The following SCNN1B variants were observed in gnomAD, a reference collection of about 807,000 sequenced individuals.
SCNN1B encodes sodium channel epithelial 1 subunit beta.
SCNN1B carries 46 observed loss-of-function variants against 65.3 expected under a neutral mutation model. That is an observed-to-expected ratio of 0.70 (90% CI 0.56 to 0.90). SCNN1B has a LOEUF of 0.90. Among genes scored for constraint, SCNN1B ranks in the 40% least tolerant of loss-of-function variants. The pLI, the probability that SCNN1B is intolerant of heterozygous loss-of-function variation, is 0.00. For synonymous variants in SCNN1B, 349 were observed against 330.6 expected (o/e 1.06, Z -0.60); for missense variants, 751 against 830.5 (o/e 0.90, Z 1.18).
upstream of SCNN1B, among the ~76,000 whole-genome samples, chr16:23,300,628 G>A (rs919340263): frequency 5.3e-5 from 8 of 152,062 alleles, no homozygotes; most frequent in Admixed American, 1.3e-4. Context: ...TTGAGGCCAG[G>A]TATTTGAGAC....
At chr16:23,293,232 T>C (rs1270467971) in intron 2 of SCNN1B, among the ~76,000 whole-genome samples, 1 of 151,354 alleles carries the variant, frequency 6.6e-6, no homozygotes, top group Non-Finnish European at 1.5e-5. Flanking sequence ...AGGAGCATTA[T>C]TCACAGTCGC....
At chr16:23,355,573 G>C (rs1004045200) in intron 4 of SCNN1B, 84 bp downstream of exon 4, 54 of 1,416,452 alleles carry the variant, frequency 3.8e-5, no homozygotes, top group Middle Eastern at 4.2e-4. Flanking sequence ...AGCCTGCCAG[G>C]GTTCCAATCC....
intron 2 of SCNN1B, among the ~76,000 whole-genome samples, chr16:23,289,745 G>A (rs1174538474): frequency 6.9e-6 from 1 of 145,578 alleles, no homozygotes. Flanking sequence ...GCACGATCTC[G>A]GCTCACTGCA....
chr16:23,332,809 T>C (rs563400986), intron 1 of SCNN1B, among the ~76,000 whole-genome samples: 1 of 152,072 alleles, frequency 6.6e-6, no homozygotes, highest in South Asian at 2.1e-4. Context: ...CAGTGGCTCA[T>C]GCCCGTAATC....
chr16:23,325,052 C>T (rs1374165901), intron 1 of SCNN1B, among the ~76,000 whole-genome samples: 3 of 152,172 alleles, frequency 2.0e-5, no homozygotes, highest in African/African-American at 7.2e-5. Context: ...AGCAATAAGA[C>T]TCTGTCAACA....
At position 23,380,962 on chromosome 16, in the gene SCNN1B, A is replaced by G. The variant is rs527428976; in HGVS notation, c.*161A>G. On this transcript the variant is annotated 3_prime_UTR_variant, in exon 13 of 13. Transcript: ENST00000343070. The surrounding 1 kb of genome is among the most constrained non-coding windows in gnomAD (Gnocchi z 5.4). Reference sequence around the variant, plus strand: ...AGAGGCCAGCGGCAACTGGTCCGTTACTGGCCAAGGGCTCTGTAGAATCAC... The same window carrying G: ...AGAGGCCAGCGGCAACTGGTCCGTTGCTGGCCAAGGGCTCTGTAGAATCAC... 2.8e-5 allele frequency: 22 copies of G among 775,550 alleles called. No homozygotes were observed. In the South Asian group the frequency reaches 2.9e-4, roughly 10 times the overall value. 48.0% of individuals were successfully genotyped at this position (775,550 alleles called of 1,614,324 possible). A position where few individuals can be genotyped will look rare whatever the true frequency, so the allele number is the denominator to read the frequency against.
chr16:23,304,250 C>T (rs1961146455), intron 1 of SCNN1B: 5 of 639,714 alleles, frequency 7.8e-6, no homozygotes, highest in Non-Finnish European at 1.4e-5. Flanking sequence ...CCCATGAATG[C>T]ATGCACACAC....
At chr16:23,363,401 G>T (rs73544462) in intron 4 of SCNN1B, among the ~76,000 whole-genome samples, 1 of 152,190 alleles carries the variant, frequency 6.6e-6, no homozygotes. Flanking sequence ...AAGCAGGCTG[G>T]CTCTGTGGCC....
Position 23,313,832 on chromosome 16 carries a change from G to C in SCNN1B, c.-9+11395G>C, listed in dbSNP as rs187887475. On this transcript the variant is annotated intron_variant, in intron 1 of 12. Coordinates refer to ENST00000343070, the MANE Select transcript of SCNN1B (RefSeq NM_000336.3). ...TCTCCATGTTGGCCAGGATGGCCTTGATCTCTTGACCTCGTGATCTGCCCA... is the reference window on the plus strand; with the variant it reads ...TCTCCATGTTGGCCAGGATGGCCTTCATCTCTTGACCTCGTGATCTGCCCA... Among the ~76,000 whole-genome samples, 135 of 152,258 alleles carry C rather than the reference G, an allele frequency of 8.9e-4. 2 individuals carry two copies. Among genetic ancestry groups the C allele is most frequent in the African/African-American group, 3.1e-3 (129 of 41,562 alleles).
At chr16:23,314,468 G>A (rs575935560) in intron 1 of SCNN1B, among the ~76,000 whole-genome samples, 3 of 152,326 alleles carry the variant, frequency 2.0e-5, no homozygotes, top group African/African-American at 7.2e-5. Context: ...GGCTCAGAGA[G>A]CTTAAGTAAC....
chr16:23,293,416 A>C (rs566953877), intron 2 of SCNN1B, among the ~76,000 whole-genome samples: 15 of 152,328 alleles, frequency 9.8e-5, no homozygotes, highest in African/African-American at 3.6e-4. Flanking sequence ...GCCATATACA[A>C]AATAACAAAA....
At chr16:23,360,008 G>C (rs1962505341) in intron 4 of SCNN1B, among the ~76,000 whole-genome samples, 1 of 151,684 alleles carries the variant, frequency 6.6e-6, no homozygotes, top group Non-Finnish European at 1.5e-5. Context: ...TTTGAGACCA[G>C]CCTGGCAAAC....
chr16:23,379,997 C>T lies in SCNN1B; in HGVS notation c.1467-97C>T, dbSNP rs72654352. 6.6e-5 allele frequency: 60 copies of T among 908,998 alleles called. No individual in the cohort carries two copies. In the African/African-American group the frequency reaches 8.1e-4, roughly 12 times the overall value. 56.3% of individuals were successfully genotyped at this position (908,998 alleles called of 1,614,324 possible). ...GTGTGCATACATGTGGGTGTGTGCA[C>T]GTGCATGTGTGTGCATGTGTCTATG... On this transcript the variant is annotated intron_variant, in intron 11 of 12. Coordinates refer to ENST00000343070, the MANE Select transcript of SCNN1B (RefSeq NM_000336.3).
rs552412527 is a variant in SCNN1B, at chr16:23,312,736, C to T, written c.-9+10299C>T. Reference sequence around the variant, plus strand: ...GATGACAATCTGGTTGGTTACAAGTCGCCGGCTGTTGGAAGAGGAGCCTAG... The same window carrying T: ...GATGACAATCTGGTTGGTTACAAGTTGCCGGCTGTTGGAAGAGGAGCCTAG... On this transcript the variant is annotated intron_variant, in intron 1 of 12. Coordinates refer to ENST00000343070, the MANE Select transcript of SCNN1B (RefSeq NM_000336.3). Among the ~76,000 whole-genome samples, 8 of 152,210 alleles carry T rather than the reference C, an allele frequency of 5.3e-5. No homozygotes were observed. In the South Asian group the frequency reaches 1.7e-3, roughly 32 times the overall value.
chr16:23,284,751 C>CCTA (rs1960827948), intron 2 of SCNN1B, among the ~76,000 whole-genome samples: 1 of 152,162 alleles, frequency 6.6e-6, no homozygotes, highest in Non-Finnish European at 1.5e-5. Context: ...ATGGGGCAGC[C>CCTA]CTACTAAGTA....
At chr16:23,370,233 G>A (rs143519852) in intron 5 of SCNN1B, among the ~76,000 whole-genome samples, 3 of 152,272 alleles carry the variant, frequency 2.0e-5, no homozygotes, top group African/African-American at 7.2e-5. Flanking sequence ...AGCCTCCCGA[G>A]TAGTTGGGAT....
chr16:23,365,320 AAG>A (rs964927890), intron 4 of SCNN1B, among the ~76,000 whole-genome samples: 15 of 150,276 alleles, frequency 1.0e-4, no homozygotes, highest in African/African-American at 3.7e-4. Flanking sequence ...AAAAGAGAGA[AAG>A]AGAGAAAAAG....
chr16:23,343,637 AAGAAAGAAAG>A (rs1324263789), intron 1 of SCNN1B, among the ~76,000 whole-genome samples: 2 of 136,808 alleles, frequency 1.5e-5, no homozygotes, highest in Non-Finnish European at 3.2e-5. Context: ...GAAAGAAAGA[AAGAAAGAAAG>A]AAAAAAAGAA....
Position 23,348,838 on chromosome 16 carries a change from G to T in SCNN1B, c.239G>T (p.Ser80Ile), listed in dbSNP as rs755627473. Residue 80 changes from serine to isoleucine, a missense_variant, in exon 2 of 13, where the codon AGC (serine) becomes ATC (isoleucine). Ser to Ile is a moderately radical substitution (Grantham distance 142). Coordinates refer to ENST00000343070, the MANE Select transcript of SCNN1B (RefSeq NM_000336.3). The surrounding 1 kb of genome is among the most constrained non-coding windows in gnomAD (Gnocchi z 4.5). The stretch of plus-strand genomic sequence containing the variant: ...AGGACCTACTTGAGCTGGGAGGTCA[G>T]CGTCTCCCTCTCCGTAGGCTTCAAG... ...FIRTYLSWEV[S>I]VSLSVGFKTM... is the part of the protein sequence containing the mutation. The T allele has an allele frequency of 6.2e-7, 1 of 1,614,190 alleles. No individual in the cohort carries two copies. The highest frequency in any genetic ancestry group is 1.1e-5 in the South Asian group (1 of 91,080).
Sources: allele counts gnomAD v4.1 joint callset (sites outside exome capture counted in the v4.1 genomes callset), GRCh38; gene constraint gnomAD v4.1.1; non-coding constraint Gnocchi (gnomAD v3.1); transcripts MANE v1.5; gene names NCBI Gene and HGNC (gene_info 2026-07-23, HGNC 2026-07-21).